ARHGAP28: variants seen among roughly 807,000 people sequenced by gnomAD.
ARHGAP28 encodes the protein Rho GTPase activating protein 28, also known as rho GTPase-activating protein 28.
Under a neutral mutation model 90.7 loss-of-function variants are expected in ARHGAP28, and 56 were observed. That is an observed-to-expected ratio of 0.62 (90% CI 0.50 to 0.77). ARHGAP28 has a LOEUF of 0.77. ARHGAP28 is among the 30% of genes least tolerant of loss of function. The pLI, the probability that ARHGAP28 is intolerant of heterozygous loss-of-function variation, is 0.00. For synonymous variants in ARHGAP28, 308 were observed against 323.3 expected (o/e 0.95, Z 0.51); for missense variants, 869 against 900.9 (o/e 0.96, Z 0.45).
intron 5 of ARHGAP28, among the ~76,000 whole-genome samples, chr18:6,862,417 G>A (rs943757224): frequency 1.3e-5 from 2 of 152,168 alleles, no homozygotes; most frequent in African/African-American, 4.8e-5. Context: ...TTGTAAAATG[G>A]TAAAAGAAGG....
chr18:6,745,439 C>T (rs1313241723), intron 1 of ARHGAP28, among the ~76,000 whole-genome samples: 1 of 152,124 alleles, frequency 6.6e-6, no homozygotes, highest in East Asian at 1.9e-4. Context: ...ATTTCTGAAG[C>T]CATACCCACA....
intron 1 of ARHGAP28, among the ~76,000 whole-genome samples, chr18:6,818,005 C>T (rs2056603099): frequency 3.9e-5 from 6 of 152,200 alleles, no homozygotes; most frequent in Non-Finnish European, 1.5e-5. Context: ...TAGCCACACC[C>T]TAAATCTAGC....
At chr18:6,781,807 A>C (rs2056326724) in intron 1 of ARHGAP28, among the ~76,000 whole-genome samples, 1 of 152,314 alleles carries the variant, frequency 6.6e-6, no homozygotes, top group South Asian at 2.1e-4. Context: ...GGGTGGTAAA[A>C]AAAACTTGTT....
intron 3 of ARHGAP28, among the ~76,000 whole-genome samples, chr18:6,838,278 A>G (rs962497321): frequency 3.4e-4 from 52 of 152,318 alleles, no homozygotes; most frequent in African/African-American, 1.3e-3. Flanking sequence ...CTAGTTAATC[A>G]TTCTGATTTA....
chr18:6,763,155 ATC>A (rs2056175147), intron 1 of ARHGAP28, among the ~76,000 whole-genome samples: 1 of 151,992 alleles, frequency 6.6e-6, no homozygotes, highest in South Asian at 2.1e-4. Context: ...CAGTGGCGTG[ATC>A]TCGGCTCACT....
chr18:6,752,806 CT>C (rs1253925235), intron 1 of ARHGAP28, among the ~76,000 whole-genome samples: 1 of 152,192 alleles, frequency 6.6e-6, no homozygotes, highest in East Asian at 1.9e-4. Flanking sequence ...CTGACCACCC[CT>C]GGTCACAGTT....
chr18:6,830,467 C>T (rs1462777313), intron 2 of ARHGAP28, among the ~76,000 whole-genome samples: 1 of 152,146 alleles, frequency 6.6e-6, no homozygotes, highest in African/African-American at 2.4e-5. Flanking sequence ...CTATCCCTCC[C>T]TTAGCCCCCC....
At chr18:6,769,155 C>T (rs1030205508) in intron 1 of ARHGAP28, among the ~76,000 whole-genome samples, 8 of 151,866 alleles carry the variant, frequency 5.3e-5, no homozygotes, top group African/African-American at 1.9e-4. Flanking sequence ...ATTGATTGTG[C>T]CCTGGACTGA....
intron 5 of ARHGAP28, among the ~76,000 whole-genome samples, chr18:6,863,555 A>G (rs7232130): frequency 0.036 from 5,492 of 151,932 alleles, 308 homozygotes; most frequent in African/African-American, 0.12. Flanking sequence ...ATTAGTCTAC[A>G]CATACAATTT....
chr18:6,804,812 G>A (rs1355578986), intron 1 of ARHGAP28, among the ~76,000 whole-genome samples: 2 of 152,162 alleles, frequency 1.3e-5, no homozygotes, highest in African/African-American at 2.4e-5. Flanking sequence ...GACACTTTTT[G>A]TGTAGACTAA....
chr18:6,777,589 G>A (rs1329402776), intron 1 of ARHGAP28, among the ~76,000 whole-genome samples: 2 of 152,072 alleles, frequency 1.3e-5, no homozygotes, highest in African/African-American at 4.8e-5. Flanking sequence ...GCAGGTCTTG[G>A]TGGCATTCGC....
chr18:6,729,964 C>A, intron 1 of ARHGAP28, 21 bp downstream of exon 1: 1 of 1,327,736 alleles, frequency 7.5e-7, no homozygotes, highest in South Asian at 2.0e-5. Context: ...CCGCTCCCAC[C>A]AGGGCGGCGC....
rs899740803 is a variant in ARHGAP28 at position 6,737,430 on chromosome 18, T to C, written c.122+7487T>C. On this transcript the variant is annotated intron_variant, in intron 1 of 17. Coordinates refer to ENST00000383472, the MANE Select transcript of ARHGAP28 (RefSeq NM_001366230.1). ...TATTACTTATTTCTTCAGGCAGCTC[T>C]GAAAGTCTTTAGCAGTACTTTTATT... Among the ~76,000 whole-genome samples, 4 of 152,220 alleles carry C rather than the reference T, an allele frequency of 2.6e-5. No individual in the cohort carries two copies. The South Asian group carries it at 6.2e-4, about 24-fold the overall frequency.
At chr18:6,849,113 C>A (rs905944318) in intron 3 of ARHGAP28, among the ~76,000 whole-genome samples, 1 of 151,606 alleles carries the variant, frequency 6.6e-6, no homozygotes, top group Non-Finnish European at 1.5e-5. Flanking sequence ...AAAAAATTAG[C>A]CAGATGCAAT....
chr18:6,811,950 C>T (rs927500097), intron 1 of ARHGAP28, among the ~76,000 whole-genome samples: 5 of 152,014 alleles, frequency 3.3e-5, no homozygotes, highest in South Asian at 2.1e-4. Flanking sequence ...AGACATTTTT[C>T]GAGAAGAATT....
chr18:6,729,938 C>G lies in ARHGAP28; in HGVS notation c.117C>G (p.Leu39=), dbSNP rs1248390670. 1.2e-5 allele frequency: 16 copies of G among 1,376,330 alleles called. No homozygotes were observed. Among genetic ancestry groups the G allele is most frequent in the African/African-American group, 1.5e-5 (1 of 66,052 alleles). The allele number at this position is 1,376,330 out of a possible 1,614,324, so 85.3% of individuals were successfully genotyped here. A position where few individuals can be genotyped will look rare whatever the true frequency, so the allele number is the denominator to read the frequency against. The change falls in exon 1 of 18, where the codon CTC becomes CTG. Residue 39 remains leucine, a synonymous_variant. Transcript: ENST00000383472. The stretch of plus-strand genomic sequence containing the variant: ...CCCGCGCCGCAGCCAGCCACCCGCT[C>G]AGCAGGTACCCGGAGCCGCTCCCAC... ...CAPRAAASHP[L]SRKSIPRCRR... is the part of the protein sequence containing the mutation.
intron 2 of ARHGAP28, among the ~76,000 whole-genome samples, chr18:6,830,317 G>A (rs2056705311): frequency 6.6e-6 from 1 of 151,602 alleles, no homozygotes; most frequent in African/African-American, 2.4e-5. Context: ...GTTATAATGT[G>A]AATGCTATTC....
chr18:6,843,043 T>C (rs1384737289), intron 3 of ARHGAP28, among the ~76,000 whole-genome samples: 2 of 152,040 alleles, frequency 1.3e-5, no homozygotes, highest in Non-Finnish European at 2.9e-5. Flanking sequence ...GTCATGGGAG[T>C]CCTGAAGAAC....
At chr18:6,909,153 A>G in intron 17 of ARHGAP28, 129 bp downstream of exon 17, 1 of 598,088 alleles carries the variant, frequency 1.7e-6, no homozygotes, top group East Asian at 2.9e-5. Flanking sequence ...GGTTTCTGAT[A>G]TTTTTATCTC....
Sources: gnomAD v4.1 joint callset for allele counts (sites outside exome capture counted in the v4.1 genomes callset) on GRCh38, gnomAD v4.1.1 for gene constraint, MANE v1.5 for transcripts, NCBI Gene and HGNC (gene_info 2026-07-23, HGNC 2026-07-21) for gene names.